The following CDC20 variants were observed in gnomAD, a reference collection of about 807,000 sequenced individuals.
CDC20 encodes cell division cycle 20.
Under a neutral mutation model 60.0 loss-of-function variants are expected in CDC20, and 34 were observed. That is an observed-to-expected ratio of 0.57 (90% CI 0.43 to 0.75). CDC20 has a LOEUF of 0.75. Among genes scored for constraint, CDC20 ranks in the 30% least tolerant of loss-of-function variants. The pLI, the probability that CDC20 is intolerant of heterozygous loss-of-function variation, is 0.00. For missense variants in CDC20, 469 were observed against 647.3 expected, an observed-to-expected ratio of 0.72 and a Z score of 2.99; for synonymous variants, 198 against 243.5, an observed-to-expected ratio of 0.81 and a Z score of 1.74.
chr1:43,359,902 C>A (rs1443016867), intron 4 of CDC20, 67 bp from the exon 5 acceptor site: 1 of 1,610,476 alleles, frequency 6.2e-7, no homozygotes, highest in African/African-American at 1.3e-5. Context: ...TCTCCTCTTC[C>A]TATCTAAGAT....
Position 43,360,797 on chromosome 1 carries a change from CTGAG to C in CDC20, c.916_919del (p.Ser306AlafsTer55). ...GGTAGCAGAACACCATGTGGCCACACTGAGTGGCCACAGCCAGGAAGTGTGTGGG... is the reference window on the plus strand; with the variant it reads ...GGTAGCAGAACACCATGTGGCCACACTGGCCACAGCCAGGAAGTGTGTGGG... On this transcript the variant is annotated frameshift_variant, in exon 8 of 11. Coordinates refer to ENST00000310955, the MANE Select transcript of CDC20 (RefSeq NM_001255.3). LOFTEE classifies it high-confidence loss of function. 1 of 1,614,076 alleles carries C rather than the reference CTGAG, an allele frequency of 6.2e-7. No individual in the cohort carries two copies. The highest frequency in any genetic ancestry group is 8.5e-7 in the Non-Finnish European group (1 of 1,180,024).
At position 43,360,335 on chromosome 1, in the gene CDC20, C is replaced by T; in HGVS notation, c.699C>T (p.Ala233=). Residue 233 remains alanine, a synonymous_variant, in exon 6 of 11, where the codon GCC becomes GCT. Coordinates refer to ENST00000310955, the MANE Select transcript of CDC20 (RefSeq NM_001255.3). The part of the protein sequence containing the change: ...EQPGEYISSV[A]WIKEGNYLAV... ...CTGGGGAATATATATCCTCTGTGGC[C>T]TGGATCAAAGAGGGCAACTACTTGG... 2 of 1,614,210 alleles carry T rather than the reference C, an allele frequency of 1.2e-6. No individual in the cohort carries two copies. The highest frequency in any genetic ancestry group is 2.2e-5 in the South Asian group (2 of 91,086).
At position 43,360,508 on chromosome 1, in the gene CDC20, G is replaced by A. The variant is rs1262081199; in HGVS notation, c.763G>A (p.Val255Met). 1.2e-6 allele frequency: 2 copies of A among 1,613,872 alleles called. No homozygotes were observed. The highest frequency in any genetic ancestry group is 1.7e-6 in the Non-Finnish European group (2 of 1,179,850). ...TSSAEVQLWD[V>M]QQQKRLRNMT... The stretch of plus-strand genomic sequence containing the variant: ...GGGCTTCTCTCTCTAGCTATGGGAT[G>A]TGCAGCAGCAGAAACGGCTTCGAAA... The change falls in exon 7 of 11, where the codon GTG becomes ATG. Residue 255 changes from valine (V) to methionine (M), a missense_variant. Transcript: ENST00000310955.
At chr1:43,359,037 G>A in intron 1 of CDC20, 31 bp downstream of exon 1, 1 of 644,648 alleles carries the variant, frequency 1.6e-6, no homozygotes. Context: ...GCCGAGGTGG[G>A]GCCGTGGCCA....
intron 10 of CDC20, among the ~76,000 whole-genome samples, 194 bp from the exon 11 acceptor site, chr1:43,362,757 C>T (rs1299306723): frequency 3.3e-5 from 5 of 151,982 alleles, no homozygotes; most frequent in African/African-American, 9.7e-5. Context: ...CCCAGCTACT[C>T]GGGAGGCTGA....
At chr1:43,362,362 C>A in intron 10 of CDC20, 50 bp downstream of exon 10, 1 of 799,940 alleles carries the variant, frequency 1.3e-6, no homozygotes, top group Non-Finnish European at 2.2e-6. Context: ...TAATGTATGA[C>A]TGAAATGTCC....
rs1212434084 is a variant in CDC20, at chr1:43,360,106, A to G, written c.556+9A>G. The G allele has an allele frequency of 2.5e-6, 4 of 1,614,230 alleles. No individual in the cohort carries two copies. The South Asian group carries it at 3.3e-5, about 13-fold the overall frequency. On this transcript the variant is annotated intron_variant, in intron 5 of 10. Transcript: ENST00000310955. ...AATCCGAAATGACTATTGTAAGTGC[A>G]TCCTTATCCTCGCCTCATGCATGGA...
chr1:43,359,811 T>C lies in CDC20; in HGVS notation c.417T>C (p.Asn139=), dbSNP rs1276776528. The C allele has an allele frequency of 1.2e-6, 2 of 1,613,880 alleles. No individual in the cohort carries two copies. The highest frequency in any genetic ancestry group is 2.2e-5 in the East Asian group (1 of 44,886). The change falls in exon 4 of 11, where the codon AAT becomes AAC. Residue 139 remains asparagine (N), a synonymous_variant. Transcript: ENST00000310955. Reference sequence around the variant, plus strand: ...TTCGGCTCAGTGGAAAACCACAAAATGCGCCAGAGGGTAAGACCCGAAGTT... The same window carrying C: ...TTCGGCTCAGTGGAAAACCACAAAACGCGCCAGAGGGTAAGACCCGAAGTT... ...KILRLSGKPQ[N]APEGYQNRLK...
rs1647156318 is a variant in CDC20 at position 43,359,071 on chromosome 1, A to T, written c.-50+65A>T. The T allele has an allele frequency of 3.8e-6, 3 of 789,716 alleles. No individual in the cohort carries two copies. The African/African-American group carries it at 5.2e-5, about 14-fold the overall frequency. The allele number at this position is 789,716 out of a possible 1,614,324, so 48.9% of individuals were successfully genotyped here. A position where few individuals can be genotyped will look rare whatever the true frequency, so the allele number is the denominator to read the frequency against. ...CAGGGGGAGGGGGTGCTAGGCCGGA[A>T]GGGGCTGCAGCCGAGGGTGGCCCTG... On this transcript the variant is annotated intron_variant, in intron 1 of 10. Transcript: ENST00000310955.
chr1:43,360,186 C>T lies in CDC20; in HGVS notation c.557-7C>T. The stretch of plus-strand genomic sequence containing the variant: ...GAAGCTCATGCTCTTCTCTCCACCT[C>T]TGACAGACCTGAACCTTGTGGATTG... On this transcript the variant is annotated splice_region_variant and splice_polypyrimidine_tract_variant and intron_variant, in intron 5 of 10. Coordinates refer to ENST00000310955, the MANE Select transcript of CDC20 (RefSeq NM_001255.3). 1.9e-6 allele frequency: 3 copies of T among 1,614,060 alleles called. No individual in the cohort carries two copies. The highest frequency in any genetic ancestry group is 2.5e-6 in the Non-Finnish European group (3 of 1,179,926).
At chr1:43,362,914 C>T in intron 10 of CDC20, 37 bp from the exon 11 acceptor site, 5 of 1,482,260 alleles carry the variant, frequency 3.4e-6, no homozygotes, top group Non-Finnish European at 4.5e-6. Flanking sequence ...GCTATGGCTG[C>T]ATCAGCATTC....
At chr1:43,361,736 T>G (rs1437231089) in intron 9 of CDC20, among the ~76,000 whole-genome samples, 1 of 152,254 alleles carries the variant, frequency 6.6e-6, no homozygotes, top group African/African-American at 2.4e-5. Flanking sequence ...TGTACTGTCC[T>G]TAAACCTGTG....
intron 8 of CDC20, 37 bp downstream of exon 8, chr1:43,360,998 A>G: frequency 6.3e-7 from 1 of 1,593,740 alleles, no homozygotes; most frequent in Non-Finnish European, 8.6e-7. Context: ...GCAGACCCTC[A>G]CCTATAATCT....
Position 43,363,008 on chromosome 1 carries a change from C to T in CDC20, c.1379C>T (p.Ser460Phe). Reference protein sequence around the residue: ...TMSPDGATVASAAADETLRLW... With the variant: ...TMSPDGATVAFAAADETLRLW... Reference sequence around the variant, plus strand: ...AGCCCAGATGGGGCCACAGTGGCATCCGCAGCAGCAGATGAGACCCTGAGG... The same window carrying T: ...AGCCCAGATGGGGCCACAGTGGCATTCGCAGCAGCAGATGAGACCCTGAGG... Residue 460 changes from serine (S) to phenylalanine (F), a missense_variant, in exon 11 of 11, where the codon TCC becomes TTC. Ser to Phe is a radical substitution (Grantham distance 155). Transcript: ENST00000310955. 2 of 1,611,500 alleles carry T rather than the reference C, an allele frequency of 1.2e-6. No homozygotes were observed. The highest frequency in any genetic ancestry group is 8.5e-7 in the Non-Finnish European group (1 of 1,179,254).
At position 43,360,950 on chromosome 1, in the gene CDC20, G is replaced by T. The variant is rs1647170037; in HGVS notation, c.1066G>T (p.Gly356Trp). ...TCTGCAGACATTCACCCAGCATCAA[G>T]GGGCTGTCAAGGTGAGTAGGGTTGG... ...VPLQTFTQHQ[G>W]AVKAVAWCPW... Residue 356 changes from glycine (G) to tryptophan (W), a missense_variant, in exon 8 of 11, where the codon GGG becomes TGG. Coordinates refer to ENST00000310955, the MANE Select transcript of CDC20 (RefSeq NM_001255.3). 6.2e-7 allele frequency: 1 copy of T among 1,613,692 alleles called. No homozygotes were observed.
chr1:43,361,217 G>C lies in CDC20; in HGVS notation c.1175G>C (p.Cys392Ser). The C allele has an allele frequency of 6.2e-7, 1 of 1,611,292 alleles. No homozygotes were observed. Among genetic ancestry groups the C allele is most frequent in the Non-Finnish European group, 8.5e-7 (1 of 1,178,598 alleles). ...IRIWNVCSGA[C>S]LSAVDAHSQV... is the part of the protein sequence containing the mutation. ...ATCTGGAATGTGTGCTCTGGGGCCT[G>C]TCTGAGTGCCGTGGATGCCCATTCC... Residue 392 changes from cysteine (C) to serine (S), a missense_variant, in exon 9 of 11, where the codon TGT (cysteine) becomes TCT (serine). Around this residue, in one of 5 missense-constraint regions of CDC20, gnomAD observed 255 missense variants for 326.7 expected, o/e 0.78. Transcript: ENST00000310955.
chr1:43,359,323 A>G lies in CDC20; in HGVS notation c.108A>G (p.Ala36=), dbSNP rs1647158915. Residue 36 remains alanine (A), a synonymous_variant, in exon 2 of 11, where the codon GCA becomes GCG. Transcript: ENST00000310955. ...GGCAGCGCAAAGCCAAGGAAGCCGC[A>G]GGCCCGGCCCCCTCACCCATGCGGG... ...ARWQRKAKEA[A]GPAPSPMRAA... The G allele has an allele frequency of 6.2e-7, 1 of 1,612,808 alleles. No homozygotes were observed. Among genetic ancestry groups the G allele is most frequent in the Non-Finnish European group, 8.5e-7 (1 of 1,179,870 alleles).
chr1:43,360,916 C>T lies in CDC20; in HGVS notation c.1032C>T (p.Gly344=). The part of the protein sequence containing the change: ...NVWPSAPGEG[G]WVPLQTFTQH... ...GGCCTAGTGCTCCTGGAGAGGGTGG[C>T]TGGGTTCCTCTGCAGACATTCACCC... Residue 344 remains glycine, a synonymous_variant, in exon 8 of 11, where the codon GGC becomes GGT. Coordinates refer to ENST00000310955, the MANE Select transcript of CDC20 (RefSeq NM_001255.3). 1 of 1,614,102 alleles carries T rather than the reference C, an allele frequency of 6.2e-7. No homozygotes were observed. Among genetic ancestry groups the T allele is most frequent in the Non-Finnish European group, 8.5e-7 (1 of 1,179,990 alleles).
In CDC20 at chr1:43,360,489, C is replaced by T; in HGVS notation, c.754-10C>T. ...CCCAATCTCTGATCCTAGTGGGCTT[C>T]TCTCTCTAGCTATGGGATGTGCAGC... On this transcript the variant is annotated splice_polypyrimidine_tract_variant and intron_variant, in intron 6 of 10. Transcript: ENST00000310955. 1 of 1,612,354 alleles carries T rather than the reference C, an allele frequency of 6.2e-7. No individual in the cohort carries two copies. The highest frequency in any genetic ancestry group is 1.3e-5 in the African/African-American group (1 of 75,004).
Sources: allele counts gnomAD v4.1 joint callset (sites outside exome capture counted in the v4.1 genomes callset), GRCh38; gene constraint gnomAD v4.1.1; regional missense constraint gnomAD v4.1.1; transcripts MANE v1.5; gene names NCBI Gene and HGNC (gene_info 2026-07-23, HGNC 2026-07-21).